NOL4: variants seen among roughly 807,000 people sequenced by gnomAD.
The protein encoded by NOL4 is cancer/testis antigen 125.
NOL4 carries 17 observed loss-of-function variants against 75.9 expected under a neutral mutation model. The ratio of observed to expected loss-of-function variants is 0.22; its 90% confidence interval spans 0.15 to 0.34. The LOEUF (loss-of-function observed/expected upper bound fraction) is 0.34. NOL4 is among the 10% of genes least tolerant of loss of function. The probability of loss-of-function intolerance (pLI) is 1.00; values close to 1 mark genes in which losing one functional copy is unlikely to be tolerated. For synonymous variants in NOL4, 292 were observed against 289.9 expected (o/e 1.01, Z -0.07); for missense variants, 614 against 793.5 (o/e 0.77, Z 2.72).
intron 1 of NOL4, among the ~76,000 whole-genome samples, chr18:34,216,338 A>G (rs2036885245): frequency 6.6e-6 from 1 of 152,166 alleles, no homozygotes; most frequent in Non-Finnish European, 1.5e-5. Context: ...AAAATACAGA[A>G]TCTGCATCTG....
At chr18:34,007,097 G>C (rs1320925834) in intron 6 of NOL4, among the ~76,000 whole-genome samples, 2 of 151,952 alleles carry the variant, frequency 1.3e-5, no homozygotes, top group Non-Finnish European at 2.9e-5. Context: ...CAATGATTCT[G>C]TTCAGCTGGA....
chr18:34,070,413 T>TTA (rs2077464491), intron 5 of NOL4, among the ~76,000 whole-genome samples: 1 of 152,228 alleles, frequency 6.6e-6, no homozygotes, highest in South Asian at 2.1e-4. Flanking sequence ...GACTCCCTTG[T>TTA]TATACCAAGC....
At chr18:34,025,185 A>T (rs1180788992) in intron 5 of NOL4, among the ~76,000 whole-genome samples, 1 of 152,210 alleles carries the variant, frequency 6.6e-6, no homozygotes, top group Admixed American at 6.5e-5. Flanking sequence ...AAACAAAAAT[A>T]CTTACTGCCA....
chr18:34,190,594 T>C (rs1419222010), intron 1 of NOL4, among the ~76,000 whole-genome samples: 2 of 151,930 alleles, frequency 1.3e-5, no homozygotes, highest in Non-Finnish European at 2.9e-5. Context: ...TCCTAGTCTC[T>C]TTTTTATCCT....
chr18:34,097,544 C>A (rs2078845126), intron 4 of NOL4, among the ~76,000 whole-genome samples: 1 of 152,146 alleles, frequency 6.6e-6, no homozygotes, highest in African/African-American at 2.4e-5. Context: ...CTATAATATT[C>A]TCTATTCAAT....
At chr18:34,173,835 T>A (rs1456423626) in intron 1 of NOL4, among the ~76,000 whole-genome samples, 1 of 152,190 alleles carries the variant, frequency 6.6e-6, no homozygotes, top group African/African-American at 2.4e-5. Flanking sequence ...GTTGTATGAA[T>A]GCATTTTTAC....
Position 34,047,960 on chromosome 18 carries a change from TA to T in NOL4, c.773-28360del, listed in dbSNP as rs35593588. Among the ~76,000 whole-genome samples the T allele has an allele frequency of 9.7e-3, 1,479 of 152,238 alleles. 23 individuals are homozygous for T. The highest frequency in any genetic ancestry group is 0.034 in the Middle Eastern group (10 of 294). On this transcript the variant is annotated intron_variant, in intron 5 of 10. Transcript: ENST00000261592. ...GCCTTTTCATCATATTATAATGACC[TA>T]AAAAACCACACCACTTGCATACTTC...
intron 5 of NOL4, among the ~76,000 whole-genome samples, chr18:34,036,190 T>C (rs981086244): frequency 2.6e-5 from 4 of 152,106 alleles, no homozygotes; most frequent in Middle Eastern, 3.2e-3. Context: ...TACAGGCCAA[T>C]ATTCATGATG....
chr18:33,909,392 C>T (rs1432898986), intron 9 of NOL4, among the ~76,000 whole-genome samples: 2 of 152,146 alleles, frequency 1.3e-5, no homozygotes, highest in South Asian at 2.1e-4. Context: ...AAAACCTTTT[C>T]CTAAGTCCAC....
At chr18:33,985,546 C>T (rs1305658959) in intron 6 of NOL4, among the ~76,000 whole-genome samples, 2 of 152,086 alleles carry the variant, frequency 1.3e-5, no homozygotes, top group East Asian at 3.9e-4. Flanking sequence ...ACGGTTAGAC[C>T]TGATCCTCAA....
intron 10 of NOL4, among the ~76,000 whole-genome samples, chr18:33,867,343 T>C (rs1303192664): frequency 1.3e-5 from 2 of 152,148 alleles, no homozygotes; most frequent in Admixed American, 6.6e-5. Flanking sequence ...TCTTGAGTTA[T>C]CAGTGCTCTA....
intron 1 of NOL4, among the ~76,000 whole-genome samples, chr18:34,155,208 CTAATT>C (rs1285439855): frequency 6.6e-6 from 1 of 151,516 alleles, no homozygotes; most frequent in African/African-American, 2.4e-5. Context: ...ATATGAGAAT[CTAATT>C]TAGACAGAGG....
At chr18:34,063,610 T>C (rs1385181666) in intron 5 of NOL4, among the ~76,000 whole-genome samples, 1 of 152,080 alleles carries the variant, frequency 6.6e-6, no homozygotes, top group African/African-American at 2.4e-5. Context: ...AGTCAGCACT[T>C]CAAATCTGAG....
At chr18:34,056,791 G>T (rs1334902333) in intron 5 of NOL4, among the ~76,000 whole-genome samples, 1 of 152,016 alleles carries the variant, frequency 6.6e-6, no homozygotes, top group African/African-American at 2.4e-5. Flanking sequence ...CTTCTTAACT[G>T]GTCAACAGAG....
intron 5 of NOL4, among the ~76,000 whole-genome samples, chr18:34,085,219 C>A (rs780103809): frequency 1.8e-4 from 27 of 152,014 alleles, no homozygotes; most frequent in Non-Finnish European, 3.8e-4. Context: ...TTTATTTATG[C>A]CTTAACAGAC....
intron 1 of NOL4, among the ~76,000 whole-genome samples, chr18:34,173,222 ACAGTCATTTC>A (rs2033214862): frequency 6.6e-6 from 1 of 152,110 alleles, no homozygotes; most frequent in Non-Finnish European, 1.5e-5. Flanking sequence ...GCAGAGTAGA[ACAGTCATTTC>A]CAGAGGCTGG....
rs560629075 is a variant in NOL4 at position 33,865,881 on chromosome 18, T to TAATC, written c.1724-12850_1724-12847dup. Among the ~76,000 whole-genome samples the TAATC allele has an allele frequency of 1.6e-3, 242 of 152,284 alleles. 1 individual carries two copies. Among genetic ancestry groups the TAATC allele is most frequent in the African/African-American group, 5.6e-3 (231 of 41,574 alleles). Reference sequence around the variant, plus strand: ...ACTTCTCTATTTAGTTAACATTGATTAATCAATATTAGGTTACCAATAAAT... The same window carrying TAATC: ...ACTTCTCTATTTAGTTAACATTGATTAATCAATCAATATTAGGTTACCAATAAAT... On this transcript the variant is annotated intron_variant, in intron 10 of 10. Coordinates refer to ENST00000261592, the MANE Select transcript of NOL4 (RefSeq NM_003787.5).
chr18:33,939,900 C>G (rs542660997), intron 9 of NOL4, among the ~76,000 whole-genome samples: 3 of 152,096 alleles, frequency 2.0e-5, no homozygotes, highest in East Asian at 1.9e-4. Flanking sequence ...AGGATATGAA[C>G]AGACACTTCT....
chr18:33,996,700 G>A (rs2073311617), intron 6 of NOL4, among the ~76,000 whole-genome samples: 1 of 151,760 alleles, frequency 6.6e-6, no homozygotes, highest in African/African-American at 2.4e-5. Context: ...TAGAATAATG[G>A]CTTCCAGCTG....
Sources: gnomAD v4.1 joint callset for allele counts (sites outside exome capture counted in the v4.1 genomes callset) on GRCh38, gnomAD v4.1.1 for gene constraint, MANE v1.5 for transcripts, NCBI Gene and HGNC (gene_info 2026-07-23, HGNC 2026-07-21) for gene names.